Variants in PPM1L observed in about 807,000 individuals in gnomAD.
PPM1L encodes the protein protein phosphatase, Mg2+/Mn2+ dependent 1L, also known as protein phosphatase 1L.
Under a neutral mutation model 31.4 loss-of-function variants are expected in PPM1L, and 13 were observed. The observed-to-expected ratio is 0.41, with a 90% CI of 0.27 to 0.66. PPM1L has a LOEUF of 0.66. Ranked by LOEUF, PPM1L falls within the 30% of genes least tolerant of loss-of-function variation. PPM1L has a pLI of 0.29. For synonymous variants in PPM1L, 184 were observed against 175.4 expected (o/e 1.05, Z -0.39); for missense variants, 326 against 453.7 (o/e 0.72, Z 2.56).
chr3:160,883,579 G>GTGAA (rs2108039624), intron 1 of PPM1L, among the ~76,000 whole-genome samples: 1 of 152,198 alleles, frequency 6.6e-6, no homozygotes, highest in South Asian at 2.1e-4. Flanking sequence ...AAGCCAGGCA[G>GTGAA]TGAATTAGGG....
intron 1 of PPM1L, among the ~76,000 whole-genome samples, chr3:160,939,969 A>T (rs1379195982): frequency 1.3e-5 from 2 of 152,340 alleles, no homozygotes; most frequent in South Asian, 2.1e-4. Flanking sequence ...TTTGACAAAA[A>T]TGCTGACAAT....
At position 160,777,699 on chromosome 3, in the gene PPM1L, G is replaced by A. The variant is rs146734015; in HGVS notation, c.399+20992G>A. On this transcript the variant is annotated intron_variant, in intron 1 of 3. Coordinates refer to ENST00000498165, the MANE Select transcript of PPM1L (RefSeq NM_139245.4). ...TGTAACATGTGACAGGATTTCTTTC[G>A]TTTTTAAGGTCAAATAATATTCCAT... Among the ~76,000 whole-genome samples the A allele has an allele frequency of 1.1e-3, 166 of 152,094 alleles. 2 individuals are homozygous for A. Among genetic ancestry groups the A allele is most frequent in the African/African-American group, 2.8e-3 (116 of 41,504 alleles).
intron 2 of PPM1L, among the ~76,000 whole-genome samples, chr3:160,977,231 G>C: frequency 6.6e-6 from 1 of 152,166 alleles, no homozygotes; most frequent in East Asian, 1.9e-4. Context: ...GATGAAGCTG[G>C]TTTGATAAGG....
At chr3:161,010,822 CT>C (rs576174083) in intron 2 of PPM1L, among the ~76,000 whole-genome samples, 44 of 152,296 alleles carry the variant, frequency 2.9e-4, no homozygotes, top group African/African-American at 1.1e-3. Context: ...TAAATGTCTT[CT>C]TTTGAGAAGT....
At chr3:160,809,538 C>T (rs1004337230) in intron 1 of PPM1L, among the ~76,000 whole-genome samples, 13 of 152,144 alleles carry the variant, frequency 8.5e-5, no homozygotes, top group African/African-American at 2.4e-4. Context: ...ATGGTGCCCA[C>T]GGAGCCTCAG....
At chr3:160,976,721 T>TCC (rs1307337972) in intron 2 of PPM1L, among the ~76,000 whole-genome samples, 2 of 152,212 alleles carry the variant, frequency 1.3e-5, no homozygotes, top group African/African-American at 4.8e-5. Context: ...GGTGGTGATA[T>TCC]CCCCTTTATC....
rs796180012 is a variant in PPM1L at position 160,922,134 on chromosome 3, C to T, written c.400-39602C>T. 7.9e-5 allele frequency among the ~76,000 whole-genome samples: 12 copies of T among 152,026 alleles called. No individual in the cohort carries two copies. The South Asian group carries it at 8.3e-4, about 11-fold the overall frequency. On this transcript the variant is annotated intron_variant, in intron 1 of 3. Coordinates refer to ENST00000498165, the MANE Select transcript of PPM1L (RefSeq NM_139245.4). ...GACCATCCTGGCTAACACGGTGAAA[C>T]CCCATCTCTGCTAAAAATACAAAAA... is the stretch of plus-strand genomic sequence containing the variant.
intron 2 of PPM1L, among the ~76,000 whole-genome samples, chr3:161,032,626 T>C (rs752539766): frequency 6.6e-6 from 1 of 151,574 alleles, no homozygotes; most frequent in Non-Finnish European, 1.5e-5. Flanking sequence ...AGGTGGCAGA[T>C]TTTGAAGGCT....
At chr3:160,785,775 T>A (rs1386787631) in intron 1 of PPM1L, among the ~76,000 whole-genome samples, 2 of 152,070 alleles carry the variant, frequency 1.3e-5, no homozygotes, top group African/African-American at 4.8e-5. Flanking sequence ...ACATGTAAGT[T>A]GTTCCTTCAT....
chr3:160,805,505 T>G (rs902129675), intron 1 of PPM1L, among the ~76,000 whole-genome samples: 13 of 152,146 alleles, frequency 8.5e-5, no homozygotes, highest in Non-Finnish European at 2.9e-5. Context: ...GTGGATCACT[T>G]GAGGTCAGGA....
chr3:160,806,601 G>A (rs1270125868), intron 1 of PPM1L, among the ~76,000 whole-genome samples: 2 of 151,976 alleles, frequency 1.3e-5, no homozygotes, highest in African/African-American at 2.4e-5. Context: ...AGAATCACCC[G>A]GACAGCTTTT....
At chr3:161,042,691 C>A (rs2108090259) in intron 2 of PPM1L, among the ~76,000 whole-genome samples, 1 of 152,294 alleles carries the variant, frequency 6.6e-6, no homozygotes, top group Non-Finnish European at 1.5e-5. Flanking sequence ...AAGCAAAATT[C>A]AATTATGTGA....
At chr3:160,984,263 AT>A (rs930613266) in intron 2 of PPM1L, among the ~76,000 whole-genome samples, 1 of 152,134 alleles carries the variant, frequency 6.6e-6, no homozygotes, top group African/African-American at 2.4e-5. Context: ...AGGGCTGTTA[AT>A]TATTAATATT....
intron 2 of PPM1L, among the ~76,000 whole-genome samples, chr3:161,046,228 T>C (rs1265539523): frequency 7.5e-6 from 1 of 132,772 alleles, no homozygotes; most frequent in Non-Finnish European, 1.6e-5. Flanking sequence ...AAGAAGCAAA[T>C]AGACACAATA....
At chr3:161,014,393 T>C (rs920787903) in intron 2 of PPM1L, among the ~76,000 whole-genome samples, 1 of 152,196 alleles carries the variant, frequency 6.6e-6, no homozygotes, top group Non-Finnish European at 1.5e-5. Context: ...TAGTTGTTTT[T>C]ATATCTCTAT....
At chr3:160,814,726 T>A (rs1420246469) in intron 1 of PPM1L, among the ~76,000 whole-genome samples, 1 of 147,530 alleles carries the variant, frequency 6.8e-6, no homozygotes. Flanking sequence ...TATGTATACG[T>A]GTATATATGT....
At chr3:160,799,708 C>A (rs1028239261) in intron 1 of PPM1L, among the ~76,000 whole-genome samples, 1 of 152,088 alleles carries the variant, frequency 6.6e-6, no homozygotes, top group Non-Finnish European at 1.5e-5. Context: ...GAACATGTTC[C>A]CCTGCTTATC....
chr3:160,935,040 A>T (rs922253085), intron 1 of PPM1L, among the ~76,000 whole-genome samples: 1 of 152,170 alleles, frequency 6.6e-6, no homozygotes, highest in Admixed American at 6.5e-5. Context: ...TGGACAAAAC[A>T]TAGTTACATG....
chr3:161,009,944 G>A (rs556075501), intron 2 of PPM1L, among the ~76,000 whole-genome samples: 1 of 152,200 alleles, frequency 6.6e-6, no homozygotes, highest in South Asian at 2.1e-4. Context: ...GTCACTTAAT[G>A]GAAGTAGTTG....
Sources: gnomAD v4.1 joint callset for allele counts (sites outside exome capture counted in the v4.1 genomes callset) on GRCh38, gnomAD v4.1.1 for gene constraint, MANE v1.5 for transcripts, NCBI Gene and HGNC (gene_info 2026-07-23, HGNC 2026-07-21) for gene names.